ADAMTS15: variants seen among roughly 807,000 people sequenced by gnomAD.
The protein encoded by ADAMTS15 is ADAM metallopeptidase with thrombospondin type 1 motif 15, also known as A disintegrin and metalloproteinase with thrombospondin motifs 15.
ADAMTS15 carries 35 observed loss-of-function variants against 79.1 expected under a neutral mutation model. The observed-to-expected ratio is 0.44, with a 90% CI of 0.34 to 0.59. ADAMTS15 has a LOEUF of 0.59. Among genes scored for constraint, ADAMTS15 ranks in the 20% least tolerant of loss-of-function variants. The pLI, the probability that ADAMTS15 is intolerant of heterozygous loss-of-function variation, is 0.02. For missense variants in ADAMTS15, 1,324 were observed against 1,318.7 expected, an observed-to-expected ratio of 1.00 and a Z score of -0.06; for synonymous variants, 616 against 567.3, an observed-to-expected ratio of 1.09 and a Z score of -1.22.
In ADAMTS15 at chr11:130,449,987, C is replaced by A. The variant is rs867712595; in HGVS notation, c.957+57C>A. ...ATAGTCCCGTTCTTTAGGGTCACCTCCCCTAGCGCTCCAAATCCCCTTTGT... is the reference window on the plus strand; with the variant it reads ...ATAGTCCCGTTCTTTAGGGTCACCTACCCTAGCGCTCCAAATCCCCTTTGT... On this transcript the variant is annotated intron_variant, in intron 1 of 7. Transcript: ENST00000299164. This position sits in a 1 kb window ranked among gnomAD's most constrained non-coding sequence, Gnocchi z 7.8. 3.8e-5 allele frequency: 60 copies of A among 1,567,066 alleles called. No individual in the cohort carries two copies. In the Middle Eastern group the frequency reaches 1.0e-3, roughly 26 times the overall value.
intron 1 of ADAMTS15, among the ~76,000 whole-genome samples, chr11:130,454,729 C>T (rs1406788311): frequency 6.6e-6 from 1 of 152,084 alleles, no homozygotes; most frequent in Admixed American, 6.6e-5. Flanking sequence ...ATGTTGGTTC[C>T]CTGTCGTGCA....
At chr11:130,471,893 T>C (rs1374052095) in intron 7 of ADAMTS15, among the ~76,000 whole-genome samples, 1 of 152,256 alleles carries the variant, frequency 6.6e-6, no homozygotes, top group East Asian at 1.9e-4. Context: ...ACGTGACAGC[T>C]GCCAGCCTCT....
At position 130,449,459 on chromosome 11, in the gene ADAMTS15, T is replaced by A. The variant is rs1223697947; in HGVS notation, c.486T>A (p.Val162=). ...QGAHLLQRRG[V]PGGPSGDPTS... is the part of the protein sequence containing the mutation. ...CACACCTTCTCCAGCGCCGGGGTGT[T>A]CCGGGCGGGCCTTCCGGAGACCCCA... Residue 162 remains valine, a synonymous_variant, in exon 1 of 8, where the codon GTT becomes GTA. Transcript: ENST00000299164. This position sits in a 1 kb window ranked among gnomAD's most constrained non-coding sequence, Gnocchi z 7.8. 6.3e-7 allele frequency: 1 copy of A among 1,576,134 alleles called. No homozygotes were observed. The highest frequency in any genetic ancestry group is 2.3e-5 in the East Asian group (1 of 44,426).
chr11:130,471,279 C>T lies in ADAMTS15; in HGVS notation c.1974C>T (p.Gly658=), dbSNP rs1421197939. The T allele has an allele frequency of 6.2e-7, 1 of 1,613,102 alleles. No homozygotes were observed. The part of the protein sequence containing the change: ...VCVQGKCIKA[G]CDGNLGSKKR... Reference sequence around the variant, plus strand: ...TCCAAGGCAAGTGCATCAAGGCTGGCTGTGATGGGAACCTGGGCTCCAAGA... The same window carrying T: ...TCCAAGGCAAGTGCATCAAGGCTGGTTGTGATGGGAACCTGGGCTCCAAGA... Residue 658 remains glycine, a synonymous_variant, in exon 7 of 8, where the codon GGC becomes GGT. Transcript: ENST00000299164.
chr11:130,468,358 C>T (rs1012289859), intron 4 of ADAMTS15, among the ~76,000 whole-genome samples: 1 of 152,180 alleles, frequency 6.6e-6, no homozygotes, highest in Non-Finnish European at 1.5e-5. Flanking sequence ...TGGCCAGGCG[C>T]GGTAGCTCAC....
intron 4 of ADAMTS15, among the ~76,000 whole-genome samples, chr11:130,463,006 T>G (rs1592147317): frequency 6.6e-6 from 1 of 152,218 alleles, no homozygotes; most frequent in African/African-American, 2.4e-5. Flanking sequence ...GAGGACTTGG[T>G]GAGGCCTCAG....
At position 130,458,382 on chromosome 11, in the gene ADAMTS15, CG is replaced by C. The variant is rs1205287118; in HGVS notation, c.958-3103del. ...GCCTGGTCTAGGCATTTCTGAAGAG[CG>C]GGGCCGGGGAACAGGACTCTGAATC... On this transcript the variant is annotated intron_variant, in intron 1 of 7. Coordinates refer to ENST00000299164, the MANE Select transcript of ADAMTS15 (RefSeq NM_139055.4). Among the ~76,000 whole-genome samples the C allele has an allele frequency of 1.8e-4, 28 of 152,278 alleles. No homozygotes were observed. The South Asian group carries it at 2.1e-3, about 11-fold the overall frequency.
Position 130,462,954 on chromosome 11 carries a change from C to A in ADAMTS15, c.1542+174C>A, listed in dbSNP as rs1264631830. ...ACTGCCCTGTATATAGTCCTATCCC[C>A]TTCTTGACTCTAAGACCGGAGAGAA... On this transcript the variant is annotated intron_variant, in intron 4 of 7. Transcript: ENST00000299164. The surrounding 1 kb of genome is among the most constrained non-coding windows in gnomAD (Gnocchi z 4.3). Among the ~76,000 whole-genome samples, 1 of 151,962 alleles carries A rather than the reference C, an allele frequency of 6.6e-6. No individual in the cohort carries two copies. Among genetic ancestry groups the A allele is most frequent in the African/African-American group, 2.4e-5 (1 of 41,190 alleles).
At chr11:130,470,151 T>TATATATATATATACAC (rs1565397596) in intron 5 of ADAMTS15, among the ~76,000 whole-genome samples, 2 of 56,334 alleles carry the variant, frequency 3.6e-5, no homozygotes, top group Admixed American at 1.9e-4. Context: ...TATATATATA[T>TATATATATATATACAC]GTGTATATAT....
At chr11:130,470,185 T>C (rs1343521015) in intron 5 of ADAMTS15, among the ~76,000 whole-genome samples, 6 of 47,208 alleles carry the variant, frequency 1.3e-4, no homozygotes, top group African/African-American at 5.3e-4. Flanking sequence ...TATATATGTG[T>C]GTATATATAT....
chr11:130,457,844 G>A (rs1165504402), intron 1 of ADAMTS15, among the ~76,000 whole-genome samples: 5 of 152,162 alleles, frequency 3.3e-5, no homozygotes, highest in African/African-American at 7.2e-5. Context: ...AGTCCCTGCC[G>A]GGGTGGGGAG....
intron 4 of ADAMTS15, among the ~76,000 whole-genome samples, chr11:130,463,684 G>A (rs1023203852): frequency 1.3e-5 from 2 of 152,174 alleles, no homozygotes; most frequent in Non-Finnish European, 2.9e-5. Context: ...GTGTTCTGGG[G>A]ATACATGTCT....
At chr11:130,461,453 C>T in intron 1 of ADAMTS15, 36 bp from the exon 2 acceptor site, 1 of 1,613,628 alleles carries the variant, frequency 6.2e-7, no homozygotes, top group South Asian at 1.1e-5. Context: ...CTGTCTCTAA[C>T]TTCGGGCTGG....
At chr11:130,468,764 C>CAAAA (rs34961681) in intron 4 of ADAMTS15, among the ~76,000 whole-genome samples, 1 of 78,126 alleles carries the variant, frequency 1.3e-5, no homozygotes, top group African/African-American at 5.7e-5. Flanking sequence ...GACTCCATCT[C>CAAAA]AAAAAAAAAA....
chr11:130,459,844 C>T (rs1938162573), intron 1 of ADAMTS15, among the ~76,000 whole-genome samples: 1 of 152,248 alleles, frequency 6.6e-6, no homozygotes, highest in Non-Finnish European at 1.5e-5. Context: ...CTTTTCCTCC[C>T]ATGCCCCCTG....
Position 130,448,703 on chromosome 11 carries a change from T to A in ADAMTS15, c.-271T>A, listed in dbSNP as rs1937884644. ...CCGGCACCTTCCGCTAGTTCTCGGC[T>A]GCAAATCTTCGTCCTTGCACTTGAC... On this transcript the variant is annotated 5_prime_UTR_variant, in exon 1 of 8. Transcript: ENST00000299164. 6.6e-6 allele frequency among the ~76,000 whole-genome samples: 1 copy of A among 152,244 alleles called. No homozygotes were observed. Among genetic ancestry groups the A allele is most frequent in the Non-Finnish European group, 1.5e-5 (1 of 68,042 alleles).
At chr11:130,461,334 C>T (rs1014644385) in intron 1 of ADAMTS15, among the ~76,000 whole-genome samples, 155 bp from the exon 2 acceptor site, 1 of 152,140 alleles carries the variant, frequency 6.6e-6, no homozygotes, top group African/African-American at 2.4e-5. Context: ...CCCACAACCT[C>T]CTAGGAAGAA....
Position 130,462,196 on chromosome 11 carries a change from C to T in ADAMTS15, c.1200C>T (p.Ala400=), listed in dbSNP as rs142515274. ...CGACCCTCATCCAGATCGACCGTGC[C>T]AACCCCTGGTCAGCCTGCAGTGCTG... ...MSPTLIQIDR[A]NPWSACSAAI... Residue 400 remains alanine, a synonymous_variant, in exon 3 of 8, where the codon GCC becomes GCT. Transcript: ENST00000299164. The surrounding 1 kb of genome is among the most constrained non-coding windows in gnomAD (Gnocchi z 4.3). The T allele has an allele frequency of 1.7e-5, 28 of 1,614,110 alleles. No individual in the cohort carries two copies. The African/African-American group carries it at 3.3e-4, about 19-fold the overall frequency.
At chr11:130,451,819 A>C in intron 1 of ADAMTS15, among the ~76,000 whole-genome samples, 1 of 152,192 alleles carries the variant, frequency 6.6e-6, no homozygotes. Context: ...ATCAAACAGC[A>C]TGACAGCTTC....
Sources: gnomAD v4.1 joint callset for allele counts (sites outside exome capture counted in the v4.1 genomes callset) on GRCh38, gnomAD v4.1.1 for gene constraint, Gnocchi (gnomAD v3.1) non-coding constraint, MANE v1.5 for transcripts, NCBI Gene and HGNC (gene_info 2026-07-23, HGNC 2026-07-21) for gene names.